PRKN: variants seen among roughly 807,000 people sequenced by gnomAD.
PRKN encodes the protein E3 ubiquitin-protein ligase parkin.
Under a neutral mutation model 59.5 loss-of-function variants are expected in PRKN, and 56 were observed. The ratio of observed to expected loss-of-function variants is 0.94; its 90% CI spans 0.76 to 1.18. PRKN has a LOEUF of 1.18. Among genes scored for constraint, PRKN ranks in the 50% most tolerant of loss-of-function variants. PRKN has a pLI of 0.00. For synonymous variants in PRKN, 250 were observed against 222.1 expected, an observed-to-expected ratio of 1.13 and a Z score of -1.12; for missense variants, 657 against 596.4, an observed-to-expected ratio of 1.10 and a Z score of -1.06.
chr6:161,717,627 T>C (rs1287919673), intron 7 of PRKN, among the ~76,000 whole-genome samples: 5 of 152,202 alleles, frequency 3.3e-5, no homozygotes, highest in Admixed American at 6.5e-5. Flanking sequence ...CTTTGATTCT[T>C]ATTCATATCT....
intron 4 of PRKN, among the ~76,000 whole-genome samples, chr6:162,138,973 G>T (rs1219687920): frequency 1.3e-5 from 2 of 152,168 alleles, no homozygotes; most frequent in African/African-American, 2.4e-5. Context: ...CAAAGCTTGA[G>T]AATTTTTAGA....
chr6:162,285,666 A>G (rs573556270), intron 2 of PRKN, among the ~76,000 whole-genome samples: 2 of 152,266 alleles, frequency 1.3e-5, no homozygotes, highest in East Asian at 3.9e-4. Flanking sequence ...ACTGATAAAT[A>G]AGTATTGTAG....
chr6:162,694,646 T>C (rs1777905135), intron 1 of PRKN: 1 of 152,148 alleles, frequency 6.6e-6, no homozygotes, highest in South Asian at 2.1e-4. Flanking sequence ...AAAACTCAAA[T>C]TAAATTTTAA....
chr6:162,664,007 T>C (rs1296189147), intron 1 of PRKN, among the ~76,000 whole-genome samples: 6 of 152,090 alleles, frequency 3.9e-5, no homozygotes, highest in Non-Finnish European at 8.8e-5. Flanking sequence ...CCATGGTGGT[T>C]TGCTGCACCT....
intron 1 of PRKN, among the ~76,000 whole-genome samples, chr6:162,666,515 T>C (rs970281168): frequency 6.6e-6 from 1 of 152,152 alleles, no homozygotes; most frequent in South Asian, 2.1e-4. Flanking sequence ...GAGAGCGAAA[T>C]GTCCTGGAAG....
chr6:161,750,892 T>C (rs920350076), intron 7 of PRKN, among the ~76,000 whole-genome samples: 1 of 152,066 alleles, frequency 6.6e-6, no homozygotes, highest in African/African-American at 2.4e-5. Context: ...AATATATAAT[T>C]GTATTAGTCA....
At chr6:161,819,858 T>C (rs535700936) in intron 6 of PRKN, among the ~76,000 whole-genome samples, 1 of 152,184 alleles carries the variant, frequency 6.6e-6, no homozygotes, top group African/African-American at 2.4e-5. Flanking sequence ...TTAGAAAATA[T>C]TTTTCAAATA....
intron 4 of PRKN, among the ~76,000 whole-genome samples, chr6:162,116,681 T>A (rs918120033): frequency 6.6e-6 from 1 of 152,174 alleles, no homozygotes; most frequent in African/African-American, 2.4e-5. Context: ...TAGCTCTATG[T>A]AAGGTGCTCA....
chr6:162,660,875 CT>C (rs1778849613), intron 1 of PRKN, among the ~76,000 whole-genome samples: 2 of 152,082 alleles, frequency 1.3e-5, no homozygotes, highest in African/African-American at 2.4e-5. Flanking sequence ...AGTTCCTGGG[CT>C]GGGTACTCAA....
intron 9 of PRKN, among the ~76,000 whole-genome samples, chr6:161,521,706 C>A (rs1447605408): frequency 6.6e-6 from 1 of 152,142 alleles, no homozygotes; most frequent in Non-Finnish European, 1.5e-5. Context: ...GGCTGGTCTT[C>A]AGCTTGACCC....
chr6:162,132,689 CA>C (rs1442426238), intron 4 of PRKN, among the ~76,000 whole-genome samples: 5 of 151,926 alleles, frequency 3.3e-5, no homozygotes, highest in East Asian at 1.9e-4. Context: ...GGTCTGGTGT[CA>C]GGGGTAAAGG....
At chr6:162,343,442 C>T (rs1321263803) in intron 2 of PRKN, among the ~76,000 whole-genome samples, 1 of 152,176 alleles carries the variant, frequency 6.6e-6, no homozygotes, top group East Asian at 1.9e-4. Context: ...CTCTTACCCT[C>T]CCCTAGGAAC....
intron 6 of PRKN, among the ~76,000 whole-genome samples, chr6:161,816,514 T>A (rs185160542): frequency 3.2e-4 from 48 of 152,250 alleles, no homozygotes; most frequent in African/African-American, 1.1e-3. Flanking sequence ...CACACACCAC[T>A]TATACCTCAG....
At chr6:162,254,630 G>T (rs1271554052) in intron 3 of PRKN, among the ~76,000 whole-genome samples, 2 of 152,060 alleles carry the variant, frequency 1.3e-5, no homozygotes, top group African/African-American at 2.4e-5. Context: ...ATTGCACAAT[G>T]AACACCCACT....
intron 7 of PRKN, among the ~76,000 whole-genome samples, chr6:161,696,568 C>T (rs1266190376): frequency 6.6e-6 from 1 of 152,176 alleles, no homozygotes; most frequent in Non-Finnish European, 1.5e-5. Flanking sequence ...TAGTGGTCAA[C>T]TTGGAGGCTA....
chr6:162,548,121 G>A (rs528213172), intron 1 of PRKN, among the ~76,000 whole-genome samples: 15 of 151,726 alleles, frequency 9.9e-5, no homozygotes, highest in South Asian at 4.2e-4. Flanking sequence ...GTGCAGTGGC[G>A]CAATTTTGGC....
chr6:162,551,200 A>G (rs1302717600), intron 1 of PRKN, among the ~76,000 whole-genome samples: 1 of 152,156 alleles, frequency 6.6e-6, no homozygotes, highest in South Asian at 2.1e-4. Context: ...AATTTGATAG[A>G]GAACACGTAC....
chr6:162,399,968 G>A (rs1787679264), intron 2 of PRKN, among the ~76,000 whole-genome samples: 1 of 152,140 alleles, frequency 6.6e-6, no homozygotes, highest in Admixed American at 6.5e-5. Flanking sequence ...CACTTTGGGA[G>A]GCCAAAGTGG....
At chr6:162,436,340 C>CTT (rs201920542) in intron 2 of PRKN, among the ~76,000 whole-genome samples, 1 of 144,410 alleles carries the variant, frequency 6.9e-6, no homozygotes. Context: ...CATCTGTTTC[C>CTT]TTTTTTTTTT....
Sources: allele counts gnomAD v4.1 joint callset (sites outside exome capture counted in the v4.1 genomes callset), GRCh38; gene constraint gnomAD v4.1.1; transcripts MANE v1.5; gene names NCBI Gene and HGNC (gene_info 2026-07-23, HGNC 2026-07-21).